The following BMP8A variants were observed in gnomAD, a reference collection of about 807,000 sequenced individuals.
BMP8A encodes BMP-8A.
Under a neutral mutation model 36.8 loss-of-function variants are expected in BMP8A, and 14 were observed. The observed-to-expected ratio is 0.38, with a 90% confidence interval of 0.25 to 0.60. BMP8A has a LOEUF of 0.60. Among genes scored for constraint, BMP8A ranks in the 20% least tolerant of loss-of-function variants. The pLI is 0.63. For missense variants in BMP8A, 267 were observed against 551.1 expected (o/e 0.48, Z 5.16); for synonymous variants, 120 against 237.7 (o/e 0.50, Z 4.55).
At chr1:39,515,918 A>G in intron 3 of BMP8A, 1 of 1,532,398 alleles carries the variant, frequency 6.5e-7, no homozygotes, top group Non-Finnish European at 8.9e-7. Context: ...GCTGGCCAGC[A>G]ACTTCATCAG....
chr1:39,509,339 A>G (rs1645330660), intron 1 of BMP8A, among the ~76,000 whole-genome samples: 1 of 152,160 alleles, frequency 6.6e-6, no homozygotes, highest in South Asian at 2.1e-4. Flanking sequence ...ACCCACTGAA[A>G]TTGTCACCCA....
At chr1:39,497,167 C>T (rs1215231346) in intron 1 of BMP8A, among the ~76,000 whole-genome samples, 2 of 152,132 alleles carry the variant, frequency 1.3e-5, no homozygotes, top group Non-Finnish European at 2.9e-5. Flanking sequence ...TACCACAGTC[C>T]ATCCATTGTT....
At chr1:39,515,601 G>C (rs1645389049) in intron 3 of BMP8A, 2 of 1,528,458 alleles carry the variant, frequency 1.3e-6, no homozygotes, top group East Asian at 4.5e-5. Flanking sequence ...GTGGAAGGCC[G>C]ACCGGGCAGG....
intron 1 of BMP8A, among the ~76,000 whole-genome samples, chr1:39,508,625 A>C (rs1645323888): frequency 6.6e-6 from 1 of 152,176 alleles, no homozygotes; most frequent in Admixed American, 6.5e-5. Context: ...TTCACAGGGG[A>C]AAATCTGGGT....
At chr1:39,525,286 T>TC (rs1228131425) in intron 6 of BMP8A, 5 of 231,152 alleles carry the variant, frequency 2.2e-5, no homozygotes, top group African/African-American at 1.1e-4. Flanking sequence ...CCTTCCAGGT[T>TC]CCCCCTTGGG....
intron 1 of BMP8A, among the ~76,000 whole-genome samples, chr1:39,494,460 C>T (rs902802297): frequency 4.0e-5 from 6 of 151,568 alleles, no homozygotes; most frequent in African/African-American, 1.2e-4. Context: ...CAGCAATCTT[C>T]CTCCCTCAGC....
At chr1:39,522,317 A>T (rs569812100) in intron 4 of BMP8A, 86 bp from the exon 5 acceptor site, 116 of 1,314,242 alleles carry the variant, frequency 8.8e-5, no homozygotes, top group Non-Finnish European at 1.1e-4. Context: ...AAATGTGCTC[A>T]TCAGGGCATC....
In BMP8A at chr1:39,526,768, A is replaced by G. The variant is rs1467310305; in HGVS notation, c.*970A>G. On this transcript the variant is annotated 3_prime_UTR_variant, in exon 7 of 7. Transcript: ENST00000331593. ...TCCAGTTCCCTCCACCATCTCTACC[A>G]TGCTGACCCATTTGGGGCTCAGCAC... 6.6e-6 allele frequency among the ~76,000 whole-genome samples: 1 copy of G among 152,222 alleles called. No homozygotes were observed. Among genetic ancestry groups the G allele is most frequent in the Non-Finnish European group, 1.5e-5 (1 of 68,038 alleles).
intron 3 of BMP8A, chr1:39,515,766 A>C (rs1645390099): frequency 1.3e-6 from 2 of 1,592,074 alleles, no homozygotes; most frequent in South Asian, 2.2e-5. Context: ...AAATACGAGA[A>C]ACGAATTGAG....
chr1:39,498,162 T>C (rs1473002112), intron 1 of BMP8A, among the ~76,000 whole-genome samples: 1 of 152,220 alleles, frequency 6.6e-6, no homozygotes, highest in Non-Finnish European at 1.5e-5. Context: ...TCCCCATCTC[T>C]GCAGGACCTG....
chr1:39,493,216 G>A (rs1373939651), intron 1 of BMP8A, among the ~76,000 whole-genome samples: 2 of 152,190 alleles, frequency 1.3e-5, no homozygotes, highest in Admixed American at 1.3e-4. Flanking sequence ...GAGCTGTGGG[G>A]CTGAGAGCAG....
Position 39,529,426 on chromosome 1 carries a change from GT to G in BMP8A, c.*3629del, listed in dbSNP as rs1357209048. Among the ~76,000 whole-genome samples the G allele has an allele frequency of 1.3e-5, 2 of 152,188 alleles. No individual in the cohort carries two copies. Among genetic ancestry groups the G allele is most frequent in the Non-Finnish European group, 2.9e-5 (2 of 68,028 alleles). ...ACGCGCTAGGGTCTCTGCTGAGGAA[GT>G]GGCAGGTGTGCGGCCCTGCCCTGGC... On this transcript the variant is annotated 3_prime_UTR_variant, in exon 7 of 7. Coordinates refer to ENST00000331593, the MANE Select transcript of BMP8A (RefSeq NM_181809.4).
At chr1:39,500,272 G>T (rs1258119145) in intron 1 of BMP8A, among the ~76,000 whole-genome samples, 1 of 152,176 alleles carries the variant, frequency 6.6e-6, no homozygotes, top group Non-Finnish European at 1.5e-5. Context: ...CTAATGAATG[G>T]ATCCCTAGCA....
At chr1:39,493,125 C>T (rs1645175735) in intron 1 of BMP8A, among the ~76,000 whole-genome samples, 1 of 152,210 alleles carries the variant, frequency 6.6e-6, no homozygotes, top group Non-Finnish European at 1.5e-5. Flanking sequence ...GTCAGGTCCC[C>T]CGTCTGCTTT....
chr1:39,500,651 G>GTTTAT (rs1463917775), intron 1 of BMP8A, among the ~76,000 whole-genome samples: 1 of 151,934 alleles, frequency 6.6e-6, no homozygotes, highest in East Asian at 1.9e-4. Flanking sequence ...AAAAAAAGAG[G>GTTTAT]TTTATTTTAT....
intron 1 of BMP8A, among the ~76,000 whole-genome samples, chr1:39,505,720 G>A (rs1457178231): frequency 6.6e-6 from 1 of 152,138 alleles, no homozygotes; most frequent in African/African-American, 2.4e-5. Flanking sequence ...GGTGGCTCAT[G>A]CCTGTAATCT....
chr1:39,498,999 G>A (rs1225082635), intron 1 of BMP8A, among the ~76,000 whole-genome samples: 2 of 152,248 alleles, frequency 1.3e-5, no homozygotes, highest in Non-Finnish European at 2.9e-5. Flanking sequence ...GGAAGAAGGG[G>A]CCGGGGCACC....
chr1:39,515,712 T>A (rs1202720147), intron 3 of BMP8A: 1 of 1,576,184 alleles, frequency 6.3e-7, no homozygotes, highest in East Asian at 2.2e-5. Flanking sequence ...CCAGAAGACA[T>A]CCACGTTCCT....
At position 39,496,349 on chromosome 1, in the gene BMP8A, C is replaced by T. The variant is rs948417857; in HGVS notation, c.334+4024C>T. On this transcript the variant is annotated intron_variant, in intron 1 of 6. Coordinates refer to ENST00000331593, the MANE Select transcript of BMP8A (RefSeq NM_181809.4). Reference sequence around the variant, plus strand: ...GTCGGGTGTGCTAGACAGCAACGCCCCATCGGGAAACAGGAGGGGCTGAAC... The same window carrying T: ...GTCGGGTGTGCTAGACAGCAACGCCTCATCGGGAAACAGGAGGGGCTGAAC... 6.0e-5 allele frequency among the ~76,000 whole-genome samples: 9 copies of T among 149,888 alleles called. No homozygotes were observed. In the Admixed American group the frequency reaches 6.0e-4, roughly 10 times the overall value.
Sources: allele counts gnomAD v4.1 joint callset (sites outside exome capture counted in the v4.1 genomes callset), GRCh38; gene constraint gnomAD v4.1.1; transcripts MANE v1.5; gene names NCBI Gene and HGNC (gene_info 2026-07-23, HGNC 2026-07-21).